CPLX2: variants seen among roughly 807,000 people sequenced by gnomAD.
The protein encoded by CPLX2 is complexin-2.
CPLX2 carries 5 observed loss-of-function variants against 16.3 expected under a neutral mutation model. The ratio of observed to expected loss-of-function variants is 0.31; its 90% CI spans 0.16 to 0.64. CPLX2 has a LOEUF of 0.64. CPLX2 is among the 30% of genes least tolerant of loss of function. The probability of loss-of-function intolerance (pLI) is 0.79; values close to 1 mark genes in which losing one functional copy is unlikely to be tolerated. For synonymous variants in CPLX2, 89 were observed against 73.2 expected (o/e 1.22, Z -1.10); for missense variants, 144 against 181.4 (o/e 0.79, Z 1.18).
Position 175,878,655 on chromosome 5 carries a change from G to T in CPLX2, c.-85G>T. 1.3e-6 allele frequency: 2 copies of T among 1,511,046 alleles called. No homozygotes were observed. The highest frequency in any genetic ancestry group is 1.2e-5 in the South Asian group (1 of 84,068). The allele number at this position is 1,511,046 out of a possible 1,614,324, so 93.6% of individuals were successfully genotyped here. A position where few individuals can be genotyped will look rare whatever the true frequency, so the allele number is the denominator to read the frequency against. ...GACTCCCAATTCTCTTCTGCAGGTT[G>T]TCACATCTTCCCAAGCCAGGCCAGC... On this transcript the variant is annotated 5_prime_UTR_variant, in exon 2 of 4. Coordinates refer to ENST00000393745, the MANE Select transcript of CPLX2 (RefSeq NM_001008220.2).
chr5:175,833,619 C>A (rs954629066), intron 2 of CPLX2, among the ~76,000 whole-genome samples: 1 of 152,110 alleles, frequency 6.6e-6, no homozygotes, highest in Non-Finnish European at 1.5e-5. Context: ...CTAGATCCCA[C>A]TCCAGGACTC....
chr5:175,813,794 G>A (rs1011912079), intron 2 of CPLX2, among the ~76,000 whole-genome samples: 4 of 152,226 alleles, frequency 2.6e-5, no homozygotes, highest in Admixed American at 6.5e-5. Context: ...ATTACATCAA[G>A]GAGAGAGTCT....
At chr5:175,870,173 A>C (rs563149735), upstream of CPLX2, among the ~76,000 whole-genome samples, 7 of 152,296 alleles carry the variant, frequency 4.6e-5, no homozygotes, top group Admixed American at 6.5e-5. Flanking sequence ...CTGATGGCCC[A>C]ACACAGTGCT....
intron 1 of CPLX2, among the ~76,000 whole-genome samples, chr5:175,800,867 C>A (rs1561766736): frequency 1.3e-5 from 2 of 152,260 alleles, no homozygotes; most frequent in East Asian, 1.9e-4. Flanking sequence ...ACAGAGAAGG[C>A]CTGTGTGAAC....
upstream of CPLX2, chr5:175,871,433 C>CAGAGAGAGAGAGAGAGAAAGAGAGAGAG (rs1759598803): frequency 1.7e-3 from 46 of 27,536 alleles, 8 homozygotes; most frequent in African/African-American, 6.3e-3. Context: ...GAGAGAGAGA[C>CAGAGAGAGAGAGAGAGAAAGAGAGAGAG]AGAGAGAGAG....
intron 2 of CPLX2, among the ~76,000 whole-genome samples, chr5:175,836,410 G>A (rs985752672): frequency 3.3e-5 from 5 of 152,092 alleles, no homozygotes; most frequent in African/African-American, 1.2e-4. Flanking sequence ...AAAAGAATAA[G>A]GTGAAGCACT....
rs560231795 is a variant in CPLX2, at chr5:175,881,258, A to G, written c.*1213A>G. 1 of 153,360 alleles carries G rather than the reference A, an allele frequency of 6.5e-6. No individual in the cohort carries two copies. The allele number at this position is 153,360 out of a possible 1,614,324, so 9.5% of individuals were successfully genotyped here. On this transcript the variant is annotated 3_prime_UTR_variant, in exon 4 of 4. Transcript: ENST00000393745. ...GATTGTGTGTTCAGAGATCATATGCATATGTGTAGGGCTGGAGCGTGTGTG... is the reference window on the plus strand; with the variant it reads ...GATTGTGTGTTCAGAGATCATATGCGTATGTGTAGGGCTGGAGCGTGTGTG...
intron 1 of CPLX2, among the ~76,000 whole-genome samples, chr5:175,803,686 C>G (rs1026484070): frequency 6.6e-6 from 1 of 152,188 alleles, no homozygotes; most frequent in South Asian, 2.1e-4. Context: ...CTTTGGGAGA[C>G]AGAGGGGTGG....
rs1467223295 is a variant in CPLX2 at position 175,872,944 on chromosome 5, G to A, written c.-89+1239G>A. ...GATGGTCGAGCCTGAGTCGGTGCTTGGGCTGGGACGGGCTCGGAGGGAGTC... is the reference window on the plus strand; with the variant it reads ...GATGGTCGAGCCTGAGTCGGTGCTTAGGCTGGGACGGGCTCGGAGGGAGTC... On this transcript the variant is annotated intron_variant, in intron 1 of 3. Transcript: ENST00000393745. The surrounding 1 kb of genome is among the most constrained non-coding windows in gnomAD (Gnocchi z 5.0). 6.6e-6 allele frequency: 1 copy of A among 152,226 alleles called. No individual in the cohort carries two copies. The highest frequency in any genetic ancestry group is 1.9e-4 in the East Asian group (1 of 5,184). 9.4% of individuals were successfully genotyped at this position (152,226 alleles called of 1,614,324 possible). A position where few individuals can be genotyped will look rare whatever the true frequency, so the allele number is the denominator to read the frequency against.
chr5:175,799,949 G>C (rs1206616906), intron 1 of CPLX2, among the ~76,000 whole-genome samples: 1 of 152,084 alleles, frequency 6.6e-6, no homozygotes, highest in Non-Finnish European at 1.5e-5. Context: ...ACAGTCAGAA[G>C]CCCAGATCTC....
Position 175,883,241 on chromosome 5 carries a change from G to T in CPLX2, c.*3196G>T. The T allele has an allele frequency of 6.6e-6, 1 of 152,364 alleles. No homozygotes were observed. Among genetic ancestry groups the T allele is most frequent in the Non-Finnish European group, 1.5e-5 (1 of 68,062 alleles). 9.4% of individuals were successfully genotyped at this position (152,364 alleles called of 1,614,324 possible). A position where few individuals can be genotyped will look rare whatever the true frequency, so the allele number is the denominator to read the frequency against. ...AGAGAGAAGCAAAAAGGCGGCTGTGGATCGCCCTGGGCTGGGCACCAGTGA... is the reference window on the plus strand; with the variant it reads ...AGAGAGAAGCAAAAAGGCGGCTGTGTATCGCCCTGGGCTGGGCACCAGTGA... On this transcript the variant is annotated 3_prime_UTR_variant, in exon 4 of 4. Coordinates refer to ENST00000393745, the MANE Select transcript of CPLX2 (RefSeq NM_001008220.2).
Position 175,830,965 on chromosome 5 carries a change from G to A in CPLX2, c.-89+21897G>A, listed in dbSNP as rs564584692. Among the ~76,000 whole-genome samples the A allele has an allele frequency of 3.3e-5, 5 of 152,336 alleles. No individual in the cohort carries two copies. The highest frequency in any genetic ancestry group is 4.8e-5 in the African/African-American group (2 of 41,570). ...CGTGCTCACACAGTTGTGTCAGTGCGATTGTGAGCATGGCTGGGGGTGCGC... is the reference window on the plus strand; with the variant it reads ...CGTGCTCACACAGTTGTGTCAGTGCAATTGTGAGCATGGCTGGGGGTGCGC... On this transcript the variant is annotated intron_variant, in intron 2 of 4. Transcript: ENST00000359546. The surrounding 1 kb of genome is among the most constrained non-coding windows in gnomAD (Gnocchi z 4.0).
At chr5:175,862,886 C>T (rs1380102177) in intron 2 of CPLX2, among the ~76,000 whole-genome samples, 1 of 152,152 alleles carries the variant, frequency 6.6e-6, no homozygotes. Context: ...CACAGGTGGG[C>T]TCCTCCAAAG....
chr5:175,836,558 G>A (rs1022424571), intron 2 of CPLX2, among the ~76,000 whole-genome samples: 7 of 152,160 alleles, frequency 4.6e-5, no homozygotes, highest in South Asian at 4.2e-4. Flanking sequence ...GCGGGGTGGC[G>A]AGATGTTGCT....
chr5:175,799,539 C>CATATATATATTTAGATAT (rs1227041477), intron 1 of CPLX2, among the ~76,000 whole-genome samples: 1 of 72,276 alleles, frequency 1.4e-5, no homozygotes, highest in African/African-American at 5.6e-5. Flanking sequence ...TTGCAAATTT[C>CATATATATATTTAGATAT]ATATATATAT....
chr5:175,848,688 C>T (rs150358902), intron 2 of CPLX2, among the ~76,000 whole-genome samples: 159 of 152,224 alleles, frequency 1.0e-3, no homozygotes, highest in African/African-American at 3.7e-3. Flanking sequence ...GCAAGTACTA[C>T]AAAAACCATT....
intron 2 of CPLX2, among the ~76,000 whole-genome samples, chr5:175,843,740 A>C (rs1758990807): frequency 6.6e-6 from 1 of 152,240 alleles, no homozygotes; most frequent in Non-Finnish European, 1.5e-5. Context: ...GCTGTGAGCC[A>C]AGTGGGTGCC....
chr5:175,878,978 G>A lies in CPLX2; in HGVS notation c.102G>A (p.Glu34=). 1.2e-6 allele frequency: 2 copies of A among 1,608,104 alleles called. No individual in the cohort carries two copies. Among genetic ancestry groups the A allele is most frequent in the Non-Finnish European group, 1.7e-6 (2 of 1,177,372 alleles). ...EEKDPDAQKK[E]EERQEALRQQ... is the part of the protein sequence containing the mutation. ...AGGACCCCGACGCGCAGAAAAAGGAGGAGGAGCGGCAGGAGGCGCTGCGGC... is the reference window on the plus strand; with the variant it reads ...AGGACCCCGACGCGCAGAAAAAGGAAGAGGAGCGGCAGGAGGCGCTGCGGC... The change falls in exon 3 of 4, where the codon GAG becomes GAA. Residue 34 remains glutamate (E), a synonymous_variant. Coordinates refer to ENST00000393745, the MANE Select transcript of CPLX2 (RefSeq NM_001008220.2).
At chr5:175,801,005 T>C (rs1758083566) in intron 1 of CPLX2, among the ~76,000 whole-genome samples, 1 of 151,286 alleles carries the variant, frequency 6.6e-6, no homozygotes, top group East Asian at 1.9e-4. Context: ...TGGGGACAGA[T>C]GGGAGGTGGA....
Sources: gnomAD v4.1 joint callset for allele counts (sites outside exome capture counted in the v4.1 genomes callset) on GRCh38, gnomAD v4.1.1 for gene constraint, Gnocchi (gnomAD v3.1) non-coding constraint, MANE v1.5 for transcripts, NCBI Gene and HGNC (gene_info 2026-07-23, HGNC 2026-07-21) for gene names.